DDAH1: variants seen among roughly 807,000 people sequenced by gnomAD.
The protein encoded by DDAH1 is N(G),N(G)-dimethylarginine dimethylaminohydrolase 1.
A neutral mutation model predicts 28.8 loss-of-function variants in DDAH1; 19 were observed. That is an observed-to-expected ratio of 0.66 (90% CI 0.46 to 0.97). DDAH1 has a LOEUF of 0.97. Among genes scored for constraint, DDAH1 ranks in the 50% least tolerant of loss-of-function variants. The pLI is 0.00. For missense variants in DDAH1, 326 were observed against 375.9 expected, an observed-to-expected ratio of 0.87 and a Z score of 1.10; for synonymous variants, 153 against 154.4, an observed-to-expected ratio of 0.99 and a Z score of 0.07.
chr1:85,329,357 C>G (rs1441128101), intron 4 of DDAH1, among the ~76,000 whole-genome samples: 1 of 152,234 alleles, frequency 6.6e-6, no homozygotes. Flanking sequence ...GAACAATCCT[C>G]TCCCCTACTT....
intron 1 of DDAH1, among the ~76,000 whole-genome samples, chr1:85,422,567 T>C (rs181767612): frequency 6.3e-4 from 96 of 152,346 alleles, no homozygotes; most frequent in Non-Finnish European, 1.2e-3. Flanking sequence ...TTTGCATTAA[T>C]ACTTATGAAA....
intron 1 of DDAH1, among the ~76,000 whole-genome samples, chr1:85,376,394 G>T (rs1222199799): frequency 1.3e-5 from 2 of 152,048 alleles, no homozygotes; most frequent in African/African-American, 2.4e-5. Flanking sequence ...AACAAATAAA[G>T]GAAACAGATG....
At chr1:85,386,688 T>C (rs1296463326) in intron 1 of DDAH1, among the ~76,000 whole-genome samples, 2 of 152,124 alleles carry the variant, frequency 1.3e-5, no homozygotes, top group South Asian at 4.1e-4. Context: ...CATTAAGCAA[T>C]ACCCCAGTGG....
intron 1 of DDAH1, among the ~76,000 whole-genome samples, chr1:85,545,813 T>C (rs1658605216): frequency 6.6e-6 from 1 of 152,112 alleles, no homozygotes; most frequent in Non-Finnish European, 1.5e-5. Context: ...AAGAAGAAAC[T>C]GATCTTCCCA....
At chr1:85,328,569 A>G (rs1647563780) in intron 4 of DDAH1, among the ~76,000 whole-genome samples, 1 of 152,210 alleles carries the variant, frequency 6.6e-6, no homozygotes, top group Admixed American at 6.5e-5. Flanking sequence ...CAGTCTGCTC[A>G]TGTTTGCAGT....
chr1:85,425,200 G>A (rs143925296), intron 1 of DDAH1, among the ~76,000 whole-genome samples: 3 of 152,166 alleles, frequency 2.0e-5, no homozygotes, highest in East Asian at 3.9e-4. Flanking sequence ...TCTCACTTCA[G>A]GACTGTAGTT....
At chr1:85,461,067 T>G (rs2100688352) in intron 1 of DDAH1, among the ~76,000 whole-genome samples, 1 of 152,274 alleles carries the variant, frequency 6.6e-6, no homozygotes, top group Middle Eastern at 3.4e-3. Flanking sequence ...TGAGCTATGA[T>G]CATGCCACTG....
chr1:85,348,246 G>C (rs1648987580), intron 4 of DDAH1, among the ~76,000 whole-genome samples: 1 of 152,184 alleles, frequency 6.6e-6, no homozygotes, highest in Non-Finnish European at 1.5e-5. Context: ...GATGAAGAGA[G>C]AAATAGGGGT....
rs1649636075 is a variant in DDAH1, at chr1:85,358,922, C to T, written c.304-75G>A. 2.7e-6 allele frequency: 3 copies of T among 1,117,516 alleles called. No individual in the cohort carries two copies. The East Asian group carries it at 7.1e-5, about 26-fold the overall frequency. 69.2% of individuals were successfully genotyped at this position (1,117,516 alleles called of 1,614,324 possible). ...GAAAAAAACATCCAAAACATCTAAA[C>T]ACTAAATCAAGCTCTCGTGCACACA... On this transcript the variant is annotated intron_variant, in intron 1 of 5. Coordinates refer to ENST00000284031, the MANE Select transcript of DDAH1 (RefSeq NM_012137.4).
At chr1:85,498,509 G>A (rs77673716) in intron 1 of DDAH1, among the ~76,000 whole-genome samples, 1,713 of 152,300 alleles carry the variant, frequency 0.011, 22 homozygotes, top group Middle Eastern at 0.068. Flanking sequence ...ATGTAGTGAT[G>A]TGAAATCATA....
intron 2 of DDAH1, chr1:85,482,425 A>G (rs1335300465): frequency 6.6e-6 from 1 of 152,234 alleles, no homozygotes; most frequent in African/African-American, 2.4e-5. Context: ...TTTCCAATTA[A>G]AAAACAAAAC....
At chr1:85,574,093 C>T (rs980875918) in intron 1 of DDAH1, among the ~76,000 whole-genome samples, 1 of 152,200 alleles carries the variant, frequency 6.6e-6, no homozygotes, top group Admixed American at 6.5e-5. Flanking sequence ...TCTAGTATCT[C>T]TTTTTAAAAT....
intron 1 of DDAH1, among the ~76,000 whole-genome samples, chr1:85,380,915 G>C (rs1650950274): frequency 6.6e-6 from 1 of 152,028 alleles, no homozygotes; most frequent in Non-Finnish European, 1.5e-5. Context: ...TGGCACTCTG[G>C]GTTTCAGAGA....
chr1:85,351,639 T>C lies in DDAH1; in HGVS notation c.404-60A>G, dbSNP rs1570417632. On this transcript the variant is annotated intron_variant, in intron 2 of 5. Coordinates refer to ENST00000284031, the MANE Select transcript of DDAH1 (RefSeq NM_012137.4). Reference sequence around the variant, plus strand: ...GGCACCAGTGACTGTACATCATTTCTTTTATCTATAAATAATGACCTTAAA... The same window carrying C: ...GGCACCAGTGACTGTACATCATTTCCTTTATCTATAAATAATGACCTTAAA... The C allele has an allele frequency of 2.4e-6, 3 of 1,252,082 alleles. No individual in the cohort carries two copies. In the East Asian group the frequency reaches 7.0e-5, roughly 29 times the overall value. 77.6% of individuals were successfully genotyped at this position (1,252,082 alleles called of 1,614,324 possible). A position where few individuals can be genotyped will look rare whatever the true frequency, so the allele number is the denominator to read the frequency against.
chr1:85,420,893 A>G (rs913359312), intron 1 of DDAH1, among the ~76,000 whole-genome samples: 3 of 152,136 alleles, frequency 2.0e-5, no homozygotes, highest in African/African-American at 7.2e-5. Flanking sequence ...TTATAAAGAA[A>G]AGAGGTTTAA....
At position 85,318,992 on chromosome 1, in the gene DDAH1, T is replaced by C. The variant is rs1661214396; in HGVS notation, c.*2460A>G. ...AAGTAATTCTGACTTAACTTTTACT[T>C]AGTTAAATATAATTTCTCCTGTCTT... is the stretch of plus-strand genomic sequence containing the variant. On this transcript the variant is annotated 3_prime_UTR_variant, in exon 6 of 6. Coordinates refer to ENST00000284031, the MANE Select transcript of DDAH1 (RefSeq NM_012137.4). 6.6e-6 allele frequency: 1 copy of C among 152,244 alleles called. No homozygotes were observed. The highest frequency in any genetic ancestry group is 1.5e-5 in the Non-Finnish European group (1 of 68,036). The allele number at this position is 152,244 out of a possible 1,614,324, so 9.4% of individuals were successfully genotyped here. A position where few individuals can be genotyped will look rare whatever the true frequency, so the allele number is the denominator to read the frequency against.
At chr1:85,416,933 G>A (rs1475398983) in intron 1 of DDAH1, among the ~76,000 whole-genome samples, 1 of 152,124 alleles carries the variant, frequency 6.6e-6, no homozygotes, top group Non-Finnish European at 1.5e-5. Flanking sequence ...CTCCCAAATA[G>A]GTGGGATTAC....
At chr1:85,321,658 G>A in intron 5 of DDAH1, 90 bp from the exon 6 acceptor site, 2 of 989,644 alleles carry the variant, frequency 2.0e-6, no homozygotes, top group Non-Finnish European at 1.6e-6. Flanking sequence ...GTACATCTAG[G>A]CTTTTCATTC....
At chr1:85,403,004 G>C (rs1652219905) in intron 1 of DDAH1, among the ~76,000 whole-genome samples, 1 of 151,840 alleles carries the variant, frequency 6.6e-6, no homozygotes, top group Non-Finnish European at 1.5e-5. Flanking sequence ...AGCATGCTGG[G>C]TATGTACCCA....
Sources: allele counts gnomAD v4.1 joint callset (sites outside exome capture counted in the v4.1 genomes callset), GRCh38; gene constraint gnomAD v4.1.1; transcripts MANE v1.5; gene names NCBI Gene and HGNC (gene_info 2026-07-23, HGNC 2026-07-21).